Variants in PCDH15 observed in about 807,000 individuals in gnomAD.
PCDH15 encodes protocadherin-15.
PCDH15 carries 129 observed loss-of-function variants against 178.5 expected under a neutral mutation model. The observed-to-expected ratio is 0.72, with a 90% CI of 0.63 to 0.84. The LOEUF (loss-of-function observed/expected upper bound fraction) is 0.84, where lower values mean the gene tolerates loss of function less well. Among genes scored for constraint, PCDH15 ranks in the 40% least tolerant of loss-of-function variants. The probability of loss-of-function intolerance (pLI) is 0.00; values close to 1 mark genes in which losing one functional copy is unlikely to be tolerated. For synonymous variants in PCDH15, 800 were observed against 732.0 expected, an observed-to-expected ratio of 1.09 and a Z score of -1.50; for missense variants, 2,230 against 2,099.9, an observed-to-expected ratio of 1.06 and a Z score of -1.21.
chr10:53,974,630 T>G (rs2090039877), intron 21 of PCDH15, among the ~76,000 whole-genome samples: 1 of 152,192 alleles, frequency 6.6e-6, no homozygotes, highest in African/African-American at 2.4e-5. Flanking sequence ...TGGAACACTC[T>G]TTATATGGGT....
intron 2 of PCDH15, among the ~76,000 whole-genome samples, chr10:55,384,533 GT>G (rs1837608155): frequency 6.6e-6 from 1 of 151,988 alleles, no homozygotes; most frequent in African/African-American, 2.4e-5. Flanking sequence ...GGTTTTGTTT[GT>G]TTGTTTGTTT....
At chr10:54,213,785 C>T (rs1013529140) in intron 10 of PCDH15, 151 bp downstream of exon 10, 1 of 546,382 alleles carries the variant, frequency 1.8e-6, no homozygotes, top group Admixed American at 3.0e-5. Context: ...TAAAAGTGGG[C>T]TTCGCTTATT....
At chr10:54,213,839 T>G in intron 10 of PCDH15, 97 bp downstream of exon 10, 2 of 800,182 alleles carry the variant, frequency 2.5e-6, no homozygotes, top group Non-Finnish European at 2.1e-6. Context: ...CACATTAATT[T>G]TAATTTTATA....
chr10:54,366,576 C>T (rs188680660), intron 5 of PCDH15, among the ~76,000 whole-genome samples: 31 of 151,918 alleles, frequency 2.0e-4, no homozygotes, highest in Non-Finnish European at 1.9e-4. Context: ...GTCAACTAAA[C>T]CAATAGATAA....
intron 3 of PCDH15, among the ~76,000 whole-genome samples, chr10:54,841,036 A>T (rs1167366974): frequency 6.6e-6 from 1 of 151,834 alleles, no homozygotes; most frequent in African/African-American, 2.4e-5. Flanking sequence ...GTCAATAAGG[A>T]AACAGCAGAC....
intron 2 of PCDH15, among the ~76,000 whole-genome samples, chr10:55,035,889 C>T (rs778284620): frequency 1.4e-4 from 21 of 152,080 alleles, no homozygotes; most frequent in Non-Finnish European, 2.6e-4. Context: ...TGGTCATGAC[C>T]TATGATTGAA....
upstream of PCDH15, among the ~76,000 whole-genome samples, chr10:55,323,195 G>A (rs750416160): frequency 7.2e-5 from 11 of 152,184 alleles, no homozygotes; most frequent in Non-Finnish European, 1.2e-4. Context: ...AGATTTCAGA[G>A]GACGTACGGA....
At chr10:54,332,312 A>ATTAT (rs1939889734) in intron 6 of PCDH15, among the ~76,000 whole-genome samples, 1 of 78,340 alleles carries the variant, frequency 1.3e-5, no homozygotes, top group Non-Finnish European at 2.7e-5. Context: ...TATTATATAT[A>ATTAT]ATATAATATA....
chr10:53,945,177 GTTA>G (rs1200926205), intron 23 of PCDH15, among the ~76,000 whole-genome samples: 4 of 152,160 alleles, frequency 2.6e-5, no homozygotes, highest in African/African-American at 9.6e-5. Context: ...TAATAAAAAT[GTTA>G]TTGAGAAATA....
At chr10:53,906,659 G>GT (rs758207617) in intron 25 of PCDH15, among the ~76,000 whole-genome samples, 1 of 152,198 alleles carries the variant, frequency 6.6e-6, no homozygotes, top group South Asian at 2.1e-4. Context: ...TCAAAGTGAA[G>GT]TAAGTCCAAA....
chr10:55,155,041 C>A (rs1308861040), intron 2 of PCDH15, among the ~76,000 whole-genome samples: 6 of 151,942 alleles, frequency 3.9e-5, no homozygotes, highest in Non-Finnish European at 4.4e-5. Context: ...CTGCTTCTGG[C>A]AGTACAGAGA....
intron 23 of PCDH15, among the ~76,000 whole-genome samples, chr10:53,950,601 T>C (rs1037399670): frequency 2.6e-5 from 4 of 152,184 alleles, no homozygotes; most frequent in African/African-American, 9.6e-5. Flanking sequence ...GTGTTGACCT[T>C]TTCATGATAT....
At chr10:55,594,626 T>C (rs1842905644) in intron 2 of PCDH15, among the ~76,000 whole-genome samples, 1 of 151,986 alleles carries the variant, frequency 6.6e-6, no homozygotes, top group Admixed American at 6.6e-5. Flanking sequence ...TTGTAAACAC[T>C]GTCCAATTCA....
At chr10:53,859,649 C>T (rs1036367178) in intron 27 of PCDH15, among the ~76,000 whole-genome samples, 2 of 151,944 alleles carry the variant, frequency 1.3e-5, no homozygotes, top group African/African-American at 4.8e-5. Context: ...TTATCTGACT[C>T]TTGCAGCGGA....
chr10:55,585,797 G>C (rs1842716686), intron 2 of PCDH15, among the ~76,000 whole-genome samples: 1 of 152,022 alleles, frequency 6.6e-6, no homozygotes, highest in South Asian at 2.1e-4. Context: ...ATATGAGAGA[G>C]AGATAGACTG....
intron 1 of PCDH15, among the ~76,000 whole-genome samples, chr10:55,290,159 A>G (rs1838977626): frequency 6.6e-6 from 1 of 151,956 alleles, no homozygotes; most frequent in South Asian, 2.1e-4. Flanking sequence ...TATAATATAC[A>G]TAAATTTTAT....
At chr10:54,194,062 G>GAAAAAA (rs10629717) in intron 11 of PCDH15, among the ~76,000 whole-genome samples, 7 of 117,966 alleles carry the variant, frequency 5.9e-5, no homozygotes, top group African/African-American at 1.5e-4. Flanking sequence ...AGGAAAGATT[G>GAAAAAA]AAAAAAAAAA....
chr10:55,305,970 AAAGT>A (rs1296795506), intron 1 of PCDH15, among the ~76,000 whole-genome samples: 5 of 152,252 alleles, frequency 3.3e-5, no homozygotes, highest in Non-Finnish European at 5.9e-5. Context: ...AAAGCATAAT[AAAGT>A]AATATTTATT....
At chr10:55,614,921 C>T (rs1041927684) in intron 2 of PCDH15, among the ~76,000 whole-genome samples, 2 of 152,106 alleles carry the variant, frequency 1.3e-5, no homozygotes, top group Non-Finnish European at 2.9e-5. Flanking sequence ...ACACAAATAA[C>T]AGCAAATTGT....
Sources: gnomAD v4.1 joint callset for allele counts (sites outside exome capture counted in the v4.1 genomes callset) on GRCh38, gnomAD v4.1.1 for gene constraint, MANE v1.5 for transcripts, NCBI Gene and HGNC (gene_info 2026-07-23, HGNC 2026-07-21) for gene names.